The following ALPK3 variants were observed in gnomAD, a reference collection of about 807,000 sequenced individuals.
ALPK3 encodes alpha-protein kinase 3.
Under a neutral mutation model 140.0 loss-of-function variants are expected in ALPK3, and 102 were observed. That is an observed-to-expected ratio of 0.73 (90% CI 0.62 to 0.86). The LOEUF is 0.86. ALPK3 is among the 40% of genes least tolerant of loss of function. The probability of loss-of-function intolerance (pLI) is 0.00; values close to 1 mark genes in which losing one functional copy is unlikely to be tolerated. For missense variants in ALPK3, 2,254 were observed against 2,208.2 expected (o/e 1.02, Z -0.42); for synonymous variants, 938 against 898.5 (o/e 1.04, Z -0.79).
chr15:84,863,963 G>T (rs925369439), intron 11 of ALPK3, among the ~76,000 whole-genome samples: 11 of 152,174 alleles, frequency 7.2e-5, no homozygotes, highest in Admixed American at 5.2e-4. Context: ...GTTAAGCTAG[G>T]CAGACTGATC....
chr15:84,831,386 T>G (rs927266650), intron 3 of ALPK3, among the ~76,000 whole-genome samples: 1 of 152,246 alleles, frequency 6.6e-6, no homozygotes, highest in Non-Finnish European at 1.5e-5. Context: ...CCCCTGGTCG[T>G]GGACTTTTAT....
chr15:84,855,741 G>A (rs1321056451), intron 5 of ALPK3, among the ~76,000 whole-genome samples: 1 of 152,162 alleles, frequency 6.6e-6, no homozygotes, highest in Non-Finnish European at 1.5e-5. Context: ...TACTGTATGA[G>A]GAGTAAGTGG....
chr15:84,859,774 A>G lies in ALPK3; in HGVS notation c.3966-2A>G. 6.2e-7 allele frequency: 1 copy of G among 1,611,208 alleles called. No individual in the cohort carries two copies. The highest frequency in any genetic ancestry group is 8.5e-7 in the Non-Finnish European group (1 of 1,179,530). Reference sequence around the variant, plus strand: ...CTCACGAGTAGGGTCTCCACTCTGCAGCGCAGGGGATGAGGGGCCGGCGGC... The same window carrying G: ...CTCACGAGTAGGGTCTCCACTCTGCGGCGCAGGGGATGAGGGGCCGGCGGC... On this transcript the variant is annotated splice_acceptor_variant, in intron 7 of 13. Coordinates refer to ENST00000258888, the MANE Select transcript of ALPK3 (RefSeq NM_020778.5). LOFTEE classifies it high-confidence loss of function.
intron 3 of ALPK3, among the ~76,000 whole-genome samples, chr15:84,836,873 A>C (rs1267465597): frequency 6.6e-6 from 1 of 152,126 alleles, no homozygotes; most frequent in African/African-American, 2.4e-5. Context: ...GCTTTGGGGC[A>C]AGTCTAGGTG....
rs12101610 is a variant in ALPK3, at chr15:84,872,140, G to A, written c.*3684G>A. 0.29 allele frequency: 43,742 copies of A among 152,218 alleles called. 7,124 individuals carry two copies. The highest frequency in any genetic ancestry group is 0.53 in the East Asian group (2,752 of 5,172). The allele number at this position is 152,218 out of a possible 1,614,324, so 9.4% of individuals were successfully genotyped here. On this transcript the variant is annotated 3_prime_UTR_variant, in exon 14 of 14. Coordinates refer to ENST00000258888, the MANE Select transcript of ALPK3 (RefSeq NM_020778.5). The stretch of plus-strand genomic sequence containing the variant: ...TGGCCATGCCAGACTTTATGGCTAG[G>A]CGGTCAGATAACACTACGAGGGGCA...
chr15:84,858,345 G>C lies in ALPK3; in HGVS notation c.3607G>C (p.Gly1203Arg). The C allele has an allele frequency of 3.9e-6, 6 of 1,556,620 alleles. No individual in the cohort carries two copies. The highest frequency in any genetic ancestry group is 5.2e-6 in the Non-Finnish European group (6 of 1,150,780). The change falls in exon 6 of 14, where the codon GGG becomes CGG. Residue 1203 changes from glycine to arginine, a missense_variant. Transcript: ENST00000258888. Reference sequence around the variant, plus strand: ...GGGGCCCAGGAAAAGCCTGGTGCCTGGGTCCCCAGGGACTCCAGGGCGGGA... The same window carrying C: ...GGGGCCCAGGAAAAGCCTGGTGCCTCGGTCCCCAGGGACTCCAGGGCGGGA... ...PRGPRKSLVPGSPGTPGRERR... is the reference protein window; with the variant it reads ...PRGPRKSLVPRSPGTPGRERR...
chr15:84,853,732 T>TGCATG (rs1309014772), intron 5 of ALPK3, among the ~76,000 whole-genome samples: 2 of 151,492 alleles, frequency 1.3e-5, no homozygotes, highest in Non-Finnish European at 2.9e-5. Flanking sequence ...AAATAGCCAC[T>TGCATG]GCATGCCAGT....
intron 7 of ALPK3, 109 bp from the exon 8 acceptor site, chr15:84,859,667 T>G: frequency 7.0e-7 from 1 of 1,436,620 alleles, no homozygotes; most frequent in East Asian, 2.5e-5. Context: ...TCCCCAAAGC[T>G]CTCAGAGCTG....
intron 1 of ALPK3, among the ~76,000 whole-genome samples, chr15:84,821,541 C>A (rs376754217): frequency 6.6e-6 from 1 of 152,134 alleles, no homozygotes. Flanking sequence ...TCTGCCCACG[C>A]GGCCTCCAGA....
chr15:84,828,687 C>A (rs1178245558), intron 3 of ALPK3, among the ~76,000 whole-genome samples: 1 of 152,236 alleles, frequency 6.6e-6, no homozygotes, highest in East Asian at 1.9e-4. Context: ...GCATCCCATA[C>A]CTTTGTATGG....
At chr15:84,847,208 GGAGAGAGAGAGAGA>G (rs55944419) in intron 5 of ALPK3, among the ~76,000 whole-genome samples, 69 of 116,600 alleles carry the variant, frequency 5.9e-4, no homozygotes, top group South Asian at 6.4e-4. Flanking sequence ...GGAGAAACGG[GGAGAGAGAGAGAGA>G]GAGAGAGAGA....
intron 12 of ALPK3, 44 bp from the exon 13 acceptor site, chr15:84,867,273 G>T: frequency 6.3e-7 from 1 of 1,589,768 alleles, no homozygotes; most frequent in Non-Finnish European, 8.6e-7. Context: ...GGGGCTTAGA[G>T]CCAGCCCAGA....
chr15:84,847,449 C>G (rs1188790933), intron 5 of ALPK3, among the ~76,000 whole-genome samples: 1 of 152,110 alleles, frequency 6.6e-6, no homozygotes, highest in Non-Finnish European at 1.5e-5. Context: ...AGGAAAAGCC[C>G]ATAGAATTCC....
At chr15:84,862,490 T>C (rs1205838357) in intron 9 of ALPK3, 145 bp from the exon 10 acceptor site, 1 of 950,170 alleles carries the variant, frequency 1.1e-6, no homozygotes, top group Non-Finnish European at 1.6e-6. Flanking sequence ...GGGGACTTAA[T>C]GTGCCCAAAG....
intron 3 of ALPK3, among the ~76,000 whole-genome samples, chr15:84,833,927 A>G (rs1244462126): frequency 7.0e-6 from 1 of 143,726 alleles, no homozygotes; most frequent in African/African-American, 2.6e-5. Context: ...TCCCTCCTCC[A>G]CTCTCCTCAG....
chr15:84,840,601 C>A lies in ALPK3; in HGVS notation c.1322C>A (p.Ala441Glu). The A allele has an allele frequency of 1.3e-6, 2 of 1,561,640 alleles. No homozygotes were observed. The highest frequency in any genetic ancestry group is 1.2e-5 in the South Asian group (1 of 81,188). Residue 441 changes from alanine to glutamate, a missense_variant, in exon 5 of 14, where the codon GCG becomes GAG. By Grantham distance (107) the Ala-to-Glu change is moderately radical. This residue lies in a region of ALPK3 where 2,088 missense variants were observed against 2,022.9 expected (regional missense o/e 1.03). Coordinates refer to ENST00000258888, the MANE Select transcript of ALPK3 (RefSeq NM_020778.5). ...EEGPQTLSVR[A>E]PGESPKGKAP... Reference sequence around the variant, plus strand: ...GGACCCCAGACCCTGAGTGTCCGGGCGCCTGGGGAGAGTCCCAAGGGGAAG... The same window carrying A: ...GGACCCCAGACCCTGAGTGTCCGGGAGCCTGGGGAGAGTCCCAAGGGGAAG...
At chr15:84,848,129 C>G (rs547231144) in intron 5 of ALPK3, among the ~76,000 whole-genome samples, 1 of 150,342 alleles carries the variant, frequency 6.7e-6, no homozygotes, top group African/African-American at 2.4e-5. Context: ...GAAATAATAC[C>G]AGAAGGAAAC....
rs1383100868 is a variant in ALPK3, at chr15:84,839,101, A to G, written c.422+4A>G. The stretch of plus-strand genomic sequence containing the variant: ...GCCACACACTGCAGCTGTACAGGTG[A>G]GGGAGAAGGGCCTGTTTTGCTCTCT... On this transcript the variant is annotated splice_donor_region_variant and intron_variant, in intron 4 of 13. Coordinates refer to ENST00000258888, the MANE Select transcript of ALPK3 (RefSeq NM_020778.5). 6.2e-7 allele frequency: 1 copy of G among 1,602,280 alleles called. No homozygotes were observed. Among genetic ancestry groups the G allele is most frequent in the Non-Finnish European group, 8.5e-7 (1 of 1,173,804 alleles).
In ALPK3 at chr15:84,871,702, G is replaced by A. The variant is rs930769775; in HGVS notation, c.*3246G>A. 7.2e-5 allele frequency: 11 copies of A among 152,330 alleles called. No homozygotes were observed. The highest frequency in any genetic ancestry group is 6.5e-4 in the Admixed American group (10 of 15,302). 9.4% of individuals were successfully genotyped at this position (152,330 alleles called of 1,614,324 possible). A position where few individuals can be genotyped will look rare whatever the true frequency, so the allele number is the denominator to read the frequency against. On this transcript the variant is annotated 3_prime_UTR_variant, in exon 14 of 14. Transcript: ENST00000258888. Reference sequence around the variant, plus strand: ...CCAGCCTCTCGGGGTGTTGTTTCTGGTGCCATAGTTGAATTTTCAACAAAC... The same window carrying A: ...CCAGCCTCTCGGGGTGTTGTTTCTGATGCCATAGTTGAATTTTCAACAAAC...
Sources: gnomAD v4.1 joint callset for allele counts (sites outside exome capture counted in the v4.1 genomes callset) on GRCh38, gnomAD v4.1.1 for gene constraint, gnomAD v4.1.1 regional missense constraint, MANE v1.5 for transcripts, NCBI Gene and HGNC (gene_info 2026-07-23, HGNC 2026-07-21) for gene names.